Variants in WASHC3 observed in about 807,000 individuals in gnomAD.
The protein encoded by WASHC3 is WASH complex subunit 3.
In WASHC3, 24 loss-of-function variants were observed where a neutral mutation model predicts 26.1. The ratio of observed to expected loss-of-function variants is 0.92; its 90% CI spans 0.66 to 1.29. The LOEUF is 1.29. WASHC3 is among the 50% of genes most tolerant of loss of function. WASHC3 has a pLI of 0.00. For missense variants in WASHC3, 214 were observed against 229.6 expected, an observed-to-expected ratio of 0.93 and a Z score of 0.44; for synonymous variants, 77 against 75.7, an observed-to-expected ratio of 1.02 and a Z score of -0.09.
intron 5 of WASHC3, among the ~76,000 whole-genome samples, chr12:102,032,502 T>C (rs563876661): frequency 6.6e-6 from 1 of 152,278 alleles, no homozygotes; most frequent in Admixed American, 6.5e-5. Flanking sequence ...TGCACTATTA[T>C]GACAAACATT....
chr12:102,032,130 T>G (rs1410497221), intron 5 of WASHC3, among the ~76,000 whole-genome samples: 1 of 152,126 alleles, frequency 6.6e-6, no homozygotes, highest in Non-Finnish European at 1.5e-5. Context: ...ATTTAGAAGC[T>G]CCTCATCCTT....
Position 102,013,024 on chromosome 12 carries a change from T to C in WASHC3, c.*84A>G, listed in dbSNP as rs928902280. 9 of 606,668 alleles carry C rather than the reference T, an allele frequency of 1.5e-5. No individual in the cohort carries two copies. Among genetic ancestry groups the C allele is most frequent in the Non-Finnish European group, 2.6e-5 (9 of 349,448 alleles). 37.6% of individuals were successfully genotyped at this position (606,668 alleles called of 1,614,324 possible). ...GACATGTGGCCATTTGATGTTTTTA[T>C]GACTAAGAGAGTTCAGGCTCAATCT... On this transcript the variant is annotated 3_prime_UTR_variant, in exon 7 of 7. Transcript: ENST00000240079.
At chr12:102,017,056 G>T (rs1565809806) in intron 6 of WASHC3, among the ~76,000 whole-genome samples, 1 of 152,134 alleles carries the variant, frequency 6.6e-6, no homozygotes, top group African/African-American at 2.4e-5. Context: ...AGTCCTGAAA[G>T]CTCCATTCAT....
Position 102,044,139 on chromosome 12 carries a change from C to A in WASHC3, c.290G>T (p.Gly97Val). ...SPLNVTSVTNGAHPEATSEQP... is the reference protein window; with the variant it reads ...SPLNVTSVTNVAHPEATSEQP... ...CTCTGAAGTGGCTTCAGGATGTGCT[C>A]CATTTGTGACACTGGTGACATTTAA... is the stretch of plus-strand genomic sequence containing the variant. The change falls in exon 4 of 7, where the codon GGA (glycine) becomes GTA (valine). Residue 97 changes from glycine to valine, a missense_variant. Transcript: ENST00000240079. 6.2e-7 allele frequency: 1 copy of A among 1,608,844 alleles called. No individual in the cohort carries two copies. Among genetic ancestry groups the A allele is most frequent in the South Asian group, 1.1e-5 (1 of 90,158 alleles).
At chr12:102,055,811 C>T (rs1878571896) in intron 2 of WASHC3, among the ~76,000 whole-genome samples, 1 of 152,220 alleles carries the variant, frequency 6.6e-6, no homozygotes, top group East Asian at 1.9e-4. Flanking sequence ...TTGTTTCTGT[C>T]CTGTGGTTGA....
chr12:102,027,335 T>C (rs1877239292), intron 5 of WASHC3, among the ~76,000 whole-genome samples: 1 of 152,180 alleles, frequency 6.6e-6, no homozygotes, highest in Non-Finnish European at 1.5e-5. Context: ...TTTAAGTATA[T>C]GCTTGTCCAG....
chr12:102,047,099 C>A (rs1187354776), intron 2 of WASHC3, among the ~76,000 whole-genome samples: 1 of 152,116 alleles, frequency 6.6e-6, no homozygotes, highest in Admixed American at 6.6e-5. Context: ...TAAATATACA[C>A]CTATACAAAG....
intron 6 of WASHC3, among the ~76,000 whole-genome samples, chr12:102,018,333 T>A (rs184683027): frequency 6.6e-6 from 1 of 152,306 alleles, no homozygotes; most frequent in East Asian, 1.9e-4. Context: ...TCCCCAAAAG[T>A]GGAAGTGCTG....
chr12:102,029,043 G>A (rs1044483067), intron 5 of WASHC3, among the ~76,000 whole-genome samples: 12 of 152,028 alleles, frequency 7.9e-5, no homozygotes, highest in African/African-American at 2.4e-4. Context: ...ACCTTAATAC[G>A]AATCTCATAA....
chr12:102,061,187 C>A, intron 2 of WASHC3, 61 bp downstream of exon 2: 1 of 1,059,508 alleles, frequency 9.4e-7, no homozygotes, highest in South Asian at 1.3e-5. Flanking sequence ...CTCCATTTGT[C>A]AGTCTCAGCA....
intron 3 of WASHC3, among the ~76,000 whole-genome samples, chr12:102,045,565 T>C (rs1481330694): frequency 6.6e-6 from 1 of 152,214 alleles, no homozygotes; most frequent in Non-Finnish European, 1.5e-5. Context: ...AAGCTTGCAA[T>C]CTAAAACAGT....
intron 5 of WASHC3, among the ~76,000 whole-genome samples, chr12:102,028,856 G>A (rs1414371249): frequency 6.6e-6 from 1 of 151,494 alleles, no homozygotes; most frequent in African/African-American, 2.4e-5. Flanking sequence ...AAGAATAATA[G>A]AAACCTAAAC....
At chr12:102,030,126 T>C (rs1877371535) in intron 5 of WASHC3, among the ~76,000 whole-genome samples, 1 of 151,854 alleles carries the variant, frequency 6.6e-6, no homozygotes, top group African/African-American at 2.4e-5. Flanking sequence ...AGAAACCGTG[T>C]CTCTACTAAA....
intron 5 of WASHC3, among the ~76,000 whole-genome samples, chr12:102,038,473 C>A (rs1877772777): frequency 6.6e-6 from 1 of 152,156 alleles, no homozygotes. Context: ...CATAAAAAAT[C>A]TTTCTGAGTC....
chr12:102,029,536 T>G (rs1229583821), intron 5 of WASHC3, among the ~76,000 whole-genome samples: 1 of 152,212 alleles, frequency 6.6e-6, no homozygotes, highest in African/African-American at 2.4e-5. Context: ...ATATTTACAT[T>G]TATTTCTTAT....
Position 102,044,183 on chromosome 12 carries a change from G to A in WASHC3, c.246C>T (p.Val82=), listed in dbSNP as rs2136673159. 1 of 1,608,510 alleles carries A rather than the reference G, an allele frequency of 6.2e-7. No individual in the cohort carries two copies. Among genetic ancestry groups the A allele is most frequent in the South Asian group, 1.1e-5 (1 of 90,166 alleles). The change falls in exon 4 of 7, where the codon GTC becomes GTT. Residue 82 remains valine, a synonymous_variant. Coordinates refer to ENST00000240079, the MANE Select transcript of WASHC3 (RefSeq NM_016053.4). ...KLSSIPGLDD[V]TVEVSPLNVT... ...CATTTAAAGGAGATACTTCAACTGT[G>A]ACATCATCTAGGCCTGGGATAGATG...
At chr12:102,031,290 G>A (rs1877428183) in intron 5 of WASHC3, among the ~76,000 whole-genome samples, 1 of 152,176 alleles carries the variant, frequency 6.6e-6, no homozygotes, top group Non-Finnish European at 1.5e-5. Context: ...GTTGGTGGCT[G>A]TCACAGTTTT....
chr12:102,048,769 A>T (rs1029791190), intron 2 of WASHC3, among the ~76,000 whole-genome samples: 1 of 152,162 alleles, frequency 6.6e-6, no homozygotes, highest in Non-Finnish European at 1.5e-5. Context: ...CATAGTTTTA[A>T]ATTTTTTTAA....
intron 4 of WASHC3, among the ~76,000 whole-genome samples, chr12:102,041,920 G>T (rs940009603): frequency 6.6e-6 from 1 of 152,048 alleles, no homozygotes; most frequent in African/African-American, 2.4e-5. Context: ...AAATTCAGCT[G>T]TGATTACTGG....
Sources: gnomAD v4.1 joint callset for allele counts (sites outside exome capture counted in the v4.1 genomes callset) on GRCh38, gnomAD v4.1.1 for gene constraint, MANE v1.5 for transcripts, NCBI Gene and HGNC (gene_info 2026-07-23, HGNC 2026-07-21) for gene names.